FGF14: variants seen among roughly 807,000 people sequenced by gnomAD.
The protein encoded by FGF14 is fibroblast growth factor homologous factor 4.
FGF14 carries 5 observed loss-of-function variants against 25.5 expected under a neutral mutation model. The observed-to-expected ratio is 0.20, with a 90% CI of 0.10 to 0.41. The LOEUF is 0.41. Ranked by LOEUF, FGF14 falls within the 10% of genes least tolerant of loss-of-function variation. The pLI is 1.00. For missense variants in FGF14, 222 were observed against 320.1 expected, an observed-to-expected ratio of 0.69 and a Z score of 2.34; for synonymous variants, 138 against 118.3, an observed-to-expected ratio of 1.17 and a Z score of -1.08.
At chr13:102,218,850 T>C (rs2050489245) in intron 1 of FGF14, among the ~76,000 whole-genome samples, 1 of 152,204 alleles carries the variant, frequency 6.6e-6, no homozygotes, top group South Asian at 2.1e-4. Context: ...GATTATAAAT[T>C]GCTCTCTTAA....
chr13:101,945,949 TTC>T (rs764563101), intron 1 of FGF14, among the ~76,000 whole-genome samples: 1 of 152,134 alleles, frequency 6.6e-6, no homozygotes, highest in Non-Finnish European at 1.5e-5. Context: ...AGGGAATTTA[TTC>T]TGTCTCCCAT....
In FGF14 at chr13:101,981,866, G is replaced by T. The variant is rs561840377; in HGVS notation, c.209-106570C>A. On this transcript the variant is annotated intron_variant, in intron 1 of 4. Transcript: ENST00000376131. ...CAAATCAGCTCCACCTTTAGCTAAG[G>T]ATGAACAGCAAGAGAGAAGCTAGTG... Among the ~76,000 whole-genome samples, 3 of 152,272 alleles carry T rather than the reference G, an allele frequency of 2.0e-5. No individual in the cohort carries two copies. In the East Asian group the frequency reaches 5.8e-4, roughly 29 times the overall value.
chr13:101,742,246 T>C (rs1295026582), intron 3 of FGF14, among the ~76,000 whole-genome samples: 1 of 152,180 alleles, frequency 6.6e-6, no homozygotes, highest in Non-Finnish European at 1.5e-5. Flanking sequence ...GACTGGTTGG[T>C]AGGTGCATCA....
Position 101,875,312 on chromosome 13 carries a change from A to C in FGF14, c.194-16T>G. On this transcript the variant is annotated splice_polypyrimidine_tract_variant and intron_variant, in intron 1 of 4. Coordinates refer to ENST00000376143, the MANE Select transcript of FGF14 (RefSeq NM_004115.4). ...AGCTGGGGATCTGAAAGGCAAACAT[A>C]GTTATCATAAGCCTCACAATGTGTC... 6.5e-7 allele frequency: 1 copy of C among 1,531,372 alleles called. No homozygotes were observed. 94.9% of individuals were successfully genotyped at this position (1,531,372 alleles called of 1,614,324 possible). A position where few individuals can be genotyped will look rare whatever the true frequency, so the allele number is the denominator to read the frequency against.
chr13:102,392,346 T>A (rs1336974736), intron 1 of FGF14, among the ~76,000 whole-genome samples: 1 of 152,206 alleles, frequency 6.6e-6, no homozygotes, highest in African/African-American at 2.4e-5. Context: ...AACAAAGTAT[T>A]GTGTCCATAA....
intron 1 of FGF14, among the ~76,000 whole-genome samples, chr13:101,936,971 G>T (rs557956508): frequency 1.8e-4 from 28 of 152,150 alleles, no homozygotes; most frequent in African/African-American, 6.8e-4. Context: ...AGAGATGGGG[G>T]TGTTTGAAAC....
intron 3 of FGF14, among the ~76,000 whole-genome samples, chr13:101,768,374 T>C (rs1157129899): frequency 7.9e-5 from 12 of 152,150 alleles, no homozygotes; most frequent in African/African-American, 2.9e-4. Context: ...GACTCAATAT[T>C]GTCAGCATAT....
intron 1 of FGF14, among the ~76,000 whole-genome samples, chr13:102,180,335 CAG>C (rs1225770964): frequency 1.3e-5 from 2 of 151,942 alleles, no homozygotes; most frequent in African/African-American, 2.4e-5. Context: ...TTTTTTGAGA[CAG>C]AGTCTCACTC....
At chr13:101,858,685 C>T (rs937048818) in intron 3 of FGF14, among the ~76,000 whole-genome samples, 1 of 151,906 alleles carries the variant, frequency 6.6e-6, no homozygotes, top group East Asian at 1.9e-4. Context: ...GTTTTTAACC[C>T]CCAGAGGAAA....
chr13:102,071,671 T>A (rs945014953), intron 1 of FGF14, among the ~76,000 whole-genome samples: 42 of 152,236 alleles, frequency 2.8e-4, no homozygotes, highest in African/African-American at 9.6e-4. Context: ...TCACTTCTTT[T>A]TCCATTGATG....
intron 3 of FGF14, among the ~76,000 whole-genome samples, chr13:101,784,244 A>T (rs1018759009): frequency 6.6e-6 from 1 of 152,220 alleles, no homozygotes; most frequent in Non-Finnish European, 1.5e-5. Context: ...GTAGCTATCT[A>T]CAATGTGGTC....
chr13:102,021,637 AC>A (rs1566581929), intron 1 of FGF14, among the ~76,000 whole-genome samples: 1 of 152,002 alleles, frequency 6.6e-6, no homozygotes, highest in Non-Finnish European at 1.5e-5. Context: ...TTTGCTCTGG[AC>A]CAAGCAGAGA....
At chr13:101,833,134 AGGTAG>A (rs948204606) in intron 3 of FGF14, among the ~76,000 whole-genome samples, 33 of 151,972 alleles carry the variant, frequency 2.2e-4, no homozygotes, top group African/African-American at 7.7e-4. Context: ...GGTGGGTAGG[AGGTAG>A]GGTCTCTCCA....
chr13:101,813,024 A>G (rs974077166), intron 3 of FGF14, among the ~76,000 whole-genome samples: 2 of 152,104 alleles, frequency 1.3e-5, no homozygotes, highest in African/African-American at 2.4e-5. Flanking sequence ...TGTGCATTTC[A>G]AAATGCTTTC....
intron 1 of FGF14, among the ~76,000 whole-genome samples, chr13:101,972,557 T>C (rs549745657): frequency 6.6e-6 from 1 of 152,350 alleles, no homozygotes; most frequent in Non-Finnish European, 1.5e-5. Flanking sequence ...AAGAGATCAT[T>C]GCCTCCAGGT....
At chr13:101,810,123 G>A (rs2041416800) in intron 3 of FGF14, among the ~76,000 whole-genome samples, 1 of 152,116 alleles carries the variant, frequency 6.6e-6, no homozygotes, top group Non-Finnish European at 1.5e-5. Context: ...GTACATATTA[G>A]AATTTCTAGG....
intron 1 of FGF14, chr13:102,299,705 C>T (rs1438769309): frequency 6.6e-6 from 1 of 152,152 alleles, no homozygotes; most frequent in African/African-American, 2.4e-5. Flanking sequence ...CATAGGCTCC[C>T]TGTTTCTTTT....
chr13:101,738,285 A>G (rs978074390), intron 3 of FGF14, among the ~76,000 whole-genome samples: 3 of 152,198 alleles, frequency 2.0e-5, no homozygotes, highest in African/African-American at 7.2e-5. Context: ...TGAAAATACA[A>G]AACAGATAAA....
At position 101,865,811 on chromosome 13, in the gene FGF14, A is replaced by G. The variant is rs187484496; in HGVS notation, c.408+2914T>C. 6.1e-3 allele frequency among the ~76,000 whole-genome samples: 936 copies of G among 152,274 alleles called. 7 individuals carry two copies. The highest frequency in any genetic ancestry group is 0.013 in the Admixed American group (193 of 15,270). On this transcript the variant is annotated intron_variant, in intron 3 of 4. Coordinates refer to ENST00000376143, the MANE Select transcript of FGF14 (RefSeq NM_004115.4). ...TTATTGACTACTTCTAAACCTATGG[A>G]TCTTCAAAAAAATCAATTTCATATT... is the stretch of plus-strand genomic sequence containing the variant.
Sources: allele counts gnomAD v4.1 joint callset (sites outside exome capture counted in the v4.1 genomes callset), GRCh38; gene constraint gnomAD v4.1.1; transcripts MANE v1.5; gene names NCBI Gene and HGNC (gene_info 2026-07-23, HGNC 2026-07-21).